Variants in MTMR1 observed in about 807,000 individuals in gnomAD.
MTMR1 encodes the protein phosphatidylinositol-3-phosphate phosphatase MTMR1.
Under a neutral mutation model 51.6 loss-of-function variants are expected in MTMR1, and 17 were observed. That is an observed-to-expected ratio of 0.33 (90% confidence interval 0.23 to 0.49). The LOEUF (loss-of-function observed/expected upper bound fraction) is 0.49, where lower values mean the gene tolerates loss of function less well. Among genes scored for constraint, MTMR1 ranks in the 20% least tolerant of loss-of-function variants. The pLI, the probability that MTMR1 is intolerant of heterozygous loss-of-function variation, is 0.99. For missense variants in MTMR1, 386 were observed against 526.9 expected, an observed-to-expected ratio of 0.73 and a Z score of 2.62; for synonymous variants, 201 against 205.6, an observed-to-expected ratio of 0.98 and a Z score of 0.19.
intron 2 of MTMR1, among the ~76,000 whole-genome samples, chrX:150,707,052 A>AAAAAC (rs200814584): frequency 2.7e-5 from 3 of 111,374 alleles, no homozygotes; most frequent in East Asian, 2.8e-4. Flanking sequence ...CTATAGACAA[A>AAAAAC]AAAACAAAAC....
intron 1 of MTMR1, among the ~76,000 whole-genome samples, chrX:150,694,169 G>A (rs2040589439): frequency 1.8e-5 from 2 of 111,441 alleles, no homozygotes; most frequent in Admixed American, 9.5e-5. Context: ...GGGACCCCGC[G>A]GGCGTGGGAG....
rs2042280480 is a variant in MTMR1, at chrX:150,736,727, G to C, written c.1213G>C (p.Glu405Gln). The C allele has an allele frequency of 5.0e-6, 6 of 1,209,711 alleles. No individual in the cohort carries two copies. The highest frequency in any genetic ancestry group is 6.7e-6 in the Non-Finnish European group (6 of 894,963). Residue 405 changes from glutamate (E) to glutamine (Q), a missense_variant, in exon 11 of 16, where the codon GAG becomes CAG. By Grantham distance (29) the Glu-to-Gln change is conservative (BLOSUM62 2). Transcript: ENST00000445323. ...LKEIVYPSIDEARWLSNVDGT... is the reference protein window; with the variant it reads ...LKEIVYPSIDQARWLSNVDGT... ...AGAGATTGTGTACCCTTCGATCGAT[G>C]AGGCGCGGTGGCTCTCCAATGTGGA... is the stretch of plus-strand genomic sequence containing the variant.
intron 10 of MTMR1, chrX:150,735,596 C>A (rs2042244386): frequency 4.7e-6 from 2 of 424,375 alleles, no homozygotes; most frequent in Non-Finnish European, 8.3e-6. Flanking sequence ...CTGCCTCACA[C>A]CCTGCAATCT....
chrX:150,761,385 A>C (rs1406541871), intron 15 of MTMR1, among the ~76,000 whole-genome samples: 1 of 111,867 alleles, frequency 8.9e-6, no homozygotes, highest in Non-Finnish European at 1.9e-5. Context: ...TCTCGCTCTC[A>C]TCCTCCTTCC....
intron 12 of MTMR1, among the ~76,000 whole-genome samples, chrX:150,743,757 A>T (rs2042500684): frequency 1.8e-5 from 2 of 112,140 alleles, no homozygotes; most frequent in Non-Finnish European, 3.8e-5. Context: ...ACTATCTTTT[A>T]CCTTTTGGTA....
At chrX:150,726,703 T>G (rs1198005061) in intron 4 of MTMR1, among the ~76,000 whole-genome samples, 1 of 112,253 alleles carries the variant, frequency 8.9e-6, no homozygotes, top group African/African-American at 3.2e-5. Flanking sequence ...TAATAGATAT[T>G]GACAAAAAAT....
chrX:150,752,434 T>C (rs374584561), intron 14 of MTMR1, among the ~76,000 whole-genome samples: 8 of 111,095 alleles, frequency 7.2e-5, no homozygotes, highest in African/African-American at 2.6e-4. Flanking sequence ...CCACTGCAGT[T>C]AGAGTAAAAT....
chrX:150,718,631 A>C lies in MTMR1; in HGVS notation c.283A>C (p.Arg95=). Residue 95 remains arginine (R), a synonymous_variant, in exon 4 of 16, where the codon AGG becomes CGG. Coordinates refer to ENST00000445323, the MANE Select transcript of MTMR1 (RefSeq NM_001306144.3). The part of the protein sequence containing the change: ...VFRRPDLRAL[R]DGNKLAQMEE... Reference sequence around the variant, plus strand: ...TTTTTTTTTTTTTTGCCAGGCTCTAAGGGATGGAAATAAGCTGGCACAGAT... The same window carrying C: ...TTTTTTTTTTTTTTGCCAGGCTCTACGGGATGGAAATAAGCTGGCACAGAT... 1.3e-6 allele frequency: 1 copy of C among 772,922 alleles called. No homozygotes were observed. Among genetic ancestry groups the C allele is most frequent in the Non-Finnish European group, 1.8e-6 (1 of 559,909 alleles). 63.7% of individuals were successfully genotyped at this position (772,922 alleles called of 1,213,427 possible). A position where few individuals can be genotyped will look rare whatever the true frequency, so the allele number is the denominator to read the frequency against.
upstream of MTMR1, chrX:150,693,277 G>A (rs2040538001): frequency 6.1e-6 from 1 of 163,483 alleles, no homozygotes; most frequent in African/African-American, 3.1e-5. Context: ...GAGCGCCCAG[G>A]TGGGGCTGGG....
intron 14 of MTMR1, among the ~76,000 whole-genome samples, chrX:150,751,982 T>C (rs1457086418): frequency 1.1e-5 from 1 of 94,799 alleles, no homozygotes; most frequent in Non-Finnish European, 2.1e-5. Flanking sequence ...AGTGGCGCCA[T>C]CTCAGCTCAC....
intron 4 of MTMR1, among the ~76,000 whole-genome samples, chrX:150,726,347 C>A (rs782554390): frequency 9.0e-6 from 1 of 111,380 alleles, no homozygotes; most frequent in Non-Finnish European, 1.9e-5. Context: ...TCCCTGGTGC[C>A]GAAAAGGTTG....
intron 10 of MTMR1, among the ~76,000 whole-genome samples, chrX:150,734,806 C>T (rs1281317354): frequency 6.2e-5 from 7 of 112,534 alleles, no homozygotes; most frequent in African/African-American, 2.3e-4. Flanking sequence ...CCTTTCATAT[C>T]TTCTTCTTGC....
At chrX:150,730,835 TCAAGGA>T (rs1307685925) in intron 8 of MTMR1, among the ~76,000 whole-genome samples, 4 of 112,115 alleles carry the variant, frequency 3.6e-5, no homozygotes, top group Admixed American at 2.9e-4. Context: ...TGAGTGGGAC[TCAAGGA>T]CAAGGACGGG....
At chrX:150,713,582 G>A (rs782103928) in intron 3 of MTMR1, among the ~76,000 whole-genome samples, 47 of 111,324 alleles carry the variant, frequency 4.2e-4, no homozygotes, top group African/African-American at 1.5e-3. Flanking sequence ...ATATATATAG[G>A]CTAAATTTTA....
At position 150,764,469 on chromosome X, in the gene MTMR1, CTGA is replaced by C. The variant is rs1557418339; in HGVS notation, c.*1742_*1744del. 9.0e-6 allele frequency: 1 copy of C among 111,559 alleles called. No homozygotes were observed. The highest frequency in any genetic ancestry group is 9.5e-5 in the Admixed American group (1 of 10,517). The allele number at this position is 111,559 out of a possible 1,213,427, so 9.2% of individuals were successfully genotyped here. A position where few individuals can be genotyped will look rare whatever the true frequency, so the allele number is the denominator to read the frequency against. On this transcript the variant is annotated 3_prime_UTR_variant, in exon 16 of 16. Transcript: ENST00000445323. ...ATGGATATACTGGATTATTGATATA[CTGA>C]TTTTTTTTTTAATGGGGACATTTGC...
chrX:150,742,816 C>CAAAAAAAAAAAAA (rs1159891625), intron 12 of MTMR1, among the ~76,000 whole-genome samples: 2 of 21,730 alleles, frequency 9.2e-5, no homozygotes, highest in Non-Finnish European at 1.7e-4. Context: ...GACTCCATCT[C>CAAAAAAAAAAAAA]AAAAAAAAAA....
In MTMR1 at chrX:150,727,365, A is replaced by C; in HGVS notation, c.447+56A>C. On this transcript the variant is annotated intron_variant, in intron 5 of 15. Transcript: ENST00000445323. ...AAGAAACACTTTTAAAAGAACACTA[A>C]AAGAAGAAAGTAAAAAGTCCCCTGA... is the stretch of plus-strand genomic sequence containing the variant. 4 of 1,015,203 alleles carry C rather than the reference A, an allele frequency of 3.9e-6. No individual in the cohort carries two copies. The South Asian group carries it at 8.4e-5, about 21-fold the overall frequency. 83.7% of individuals were successfully genotyped at this position (1,015,203 alleles called of 1,213,427 possible).
chrX:150,760,176 C>A (rs2043053707), intron 15 of MTMR1, among the ~76,000 whole-genome samples: 2 of 108,665 alleles, frequency 1.8e-5, no homozygotes, highest in Admixed American at 2.0e-4. Context: ...ATGCAACAGG[C>A]ATGTGTCGGA....
intron 15 of MTMR1, 29 bp downstream of exon 15, chrX:150,755,894 G>A: frequency 8.8e-7 from 1 of 1,134,559 alleles, no homozygotes; most frequent in Non-Finnish European, 1.2e-6. Flanking sequence ...TTTCATGAAT[G>A]AGAGAGTTTG....
Sources: allele counts gnomAD v4.1 joint callset (sites outside exome capture counted in the v4.1 genomes callset), GRCh38; gene constraint gnomAD v4.1.1; transcripts MANE v1.5; gene names NCBI Gene and HGNC (gene_info 2026-07-23, HGNC 2026-07-21).